The following SLC14A2 variants were observed in gnomAD, a reference collection of about 807,000 sequenced individuals.
SLC14A2 encodes solute carrier family 14 member 2, also known as urea transporter 2.
In SLC14A2, 91 loss-of-function variants were observed where a neutral mutation model predicts 104.6. The observed-to-expected ratio is 0.87, with a 90% CI of 0.73 to 1.04. The LOEUF (loss-of-function observed/expected upper bound fraction) is 1.04, where lower values mean the gene tolerates loss of function less well. Among genes scored for constraint, SLC14A2 ranks in the 50% least tolerant of loss-of-function variants. The pLI is 0.00. For synonymous variants in SLC14A2, 476 were observed against 466.4 expected, an observed-to-expected ratio of 1.02 and a Z score of -0.27; for missense variants, 1,189 against 1,156.0, an observed-to-expected ratio of 1.03 and a Z score of -0.41.
At chr18:45,273,371 G>C (rs980796070) in intron 1 of SLC14A2, among the ~76,000 whole-genome samples, 1 of 152,150 alleles carries the variant, frequency 6.6e-6, no homozygotes, top group African/African-American at 2.4e-5. Context: ...CTGTAGACAG[G>C]AAAATGGGAT....
At chr18:45,599,427 C>T (rs1416140554) in intron 2 of SLC14A2, among the ~76,000 whole-genome samples, 4 of 152,222 alleles carry the variant, frequency 2.6e-5, no homozygotes, top group Admixed American at 2.6e-4. Context: ...CTGGCCGCGA[C>T]CTGCTCTGAC....
At chr18:45,433,076 T>C (rs3844038) in intron 1 of SLC14A2, among the ~76,000 whole-genome samples, 84,843 of 151,830 alleles carry the variant, frequency 0.56, 23,942 homozygotes, top group Admixed American at 0.69. Flanking sequence ...TTTCACTTCC[T>C]CAAAACAATT....
intron 1 of SLC14A2, among the ~76,000 whole-genome samples, chr18:45,462,388 C>T (rs1240885494): frequency 1.3e-5 from 2 of 152,166 alleles, no homozygotes; most frequent in South Asian, 2.1e-4. Flanking sequence ...TCCGAGCAGG[C>T]AAGGGACTTG....
chr18:45,542,115 T>C (rs538319177), intron 2 of SLC14A2: 1 of 145,284 alleles, frequency 6.9e-6, no homozygotes, highest in African/African-American at 2.5e-5. Flanking sequence ...AAGTCTGGCT[T>C]AGGTTTTCAG....
At chr18:45,564,180 T>C (rs1253133548) in intron 2 of SLC14A2, among the ~76,000 whole-genome samples, 1 of 152,262 alleles carries the variant, frequency 6.6e-6, no homozygotes, top group East Asian at 1.9e-4. Flanking sequence ...TTTATTACTT[T>C]GCATGATCGA....
intron 2 of SLC14A2, among the ~76,000 whole-genome samples, chr18:45,491,054 T>G (rs1166268088): frequency 6.6e-6 from 1 of 152,196 alleles, no homozygotes; most frequent in African/African-American, 2.4e-5. Context: ...TAGAAATACC[T>G]TGTAAAAGTA....
chr18:45,671,227 GA>G (rs756929381), intron 16 of SLC14A2, among the ~76,000 whole-genome samples: 3 of 152,000 alleles, frequency 2.0e-5, no homozygotes, highest in East Asian at 3.9e-4. Flanking sequence ...TATAGAAATG[GA>G]AAAAAATGAA....
intron 1 of SLC14A2, among the ~76,000 whole-genome samples, chr18:45,220,248 C>T (rs1376481774): frequency 6.6e-6 from 1 of 152,204 alleles, no homozygotes; most frequent in Admixed American, 6.5e-5. Flanking sequence ...AACCAAATCA[C>T]CTGGTCTTAG....
intron 1 of SLC14A2, among the ~76,000 whole-genome samples, chr18:45,357,884 TG>T (rs1030911457): frequency 6.6e-6 from 1 of 152,184 alleles, no homozygotes; most frequent in Non-Finnish European, 1.5e-5. Flanking sequence ...TAACCACAAA[TG>T]CAAAAATAAA....
chr18:45,584,411 C>T (rs1217873882), intron 2 of SLC14A2, among the ~76,000 whole-genome samples: 4 of 152,158 alleles, frequency 2.6e-5, no homozygotes, highest in African/African-American at 4.8e-5. Context: ...ATATTCTTTC[C>T]GGCTTTGTAT....
intron 10 of SLC14A2, among the ~76,000 whole-genome samples, chr18:45,655,274 G>T (rs1261031078): frequency 6.6e-6 from 1 of 152,228 alleles, no homozygotes; most frequent in Non-Finnish European, 1.5e-5. Context: ...TCTGATCAGA[G>T]AATGGACAGC....
chr18:45,347,669 C>A (rs1364695865), intron 1 of SLC14A2, among the ~76,000 whole-genome samples: 1 of 152,134 alleles, frequency 6.6e-6, no homozygotes, highest in African/African-American at 2.4e-5. Context: ...TTGGAAGGTA[C>A]CTCCTACCTT....
chr18:45,602,416 G>A (rs182315411), intron 2 of SLC14A2, among the ~76,000 whole-genome samples: 1 of 152,270 alleles, frequency 6.6e-6, no homozygotes, highest in East Asian at 1.9e-4. Flanking sequence ...TTGAAGCAGG[G>A]CAAGGAGGCA....
chr18:45,441,889 T>C (rs769685211), intron 1 of SLC14A2, among the ~76,000 whole-genome samples: 18 of 152,190 alleles, frequency 1.2e-4, no homozygotes, highest in Non-Finnish European at 2.4e-4. Context: ...TGTCATCCCT[T>C]GGCATTTGAT....
At chr18:45,473,806 C>T (rs112258939) in intron 1 of SLC14A2, among the ~76,000 whole-genome samples, 1 of 152,176 alleles carries the variant, frequency 6.6e-6, no homozygotes, top group African/African-American at 2.4e-5. Flanking sequence ...TCTAAATATA[C>T]AATCATGTCA....
At chr18:45,368,477 C>T (rs1302661859) in intron 1 of SLC14A2, among the ~76,000 whole-genome samples, 1 of 152,172 alleles carries the variant, frequency 6.6e-6, no homozygotes, top group African/African-American at 2.4e-5. Context: ...CTGGAGTAGA[C>T]AATCGCTTCC....
At chr18:45,655,357 G>C (rs1199819597) in intron 10 of SLC14A2, among the ~76,000 whole-genome samples, 1 of 152,206 alleles carries the variant, frequency 6.6e-6, no homozygotes, top group Admixed American at 6.5e-5. Flanking sequence ...GTGAGGGAAA[G>C]CCATCCTGTG....
At chr18:45,566,445 T>A (rs1297216388) in intron 2 of SLC14A2, among the ~76,000 whole-genome samples, 1 of 152,180 alleles carries the variant, frequency 6.6e-6, no homozygotes, top group Non-Finnish European at 1.5e-5. Context: ...AAAAACTCTC[T>A]TAATAAAAAG....
chr18:45,577,174 T>TGGGAGGGTTAATTAGCTAA (rs2044428799), intron 2 of SLC14A2, among the ~76,000 whole-genome samples: 1 of 62,028 alleles, frequency 1.6e-5, no homozygotes, highest in African/African-American at 7.9e-5. Flanking sequence ...TTAGCTAACC[T>TGGGAGGGTTAATTAGCTAA]CCAGGGTCAG....
Sources: gnomAD v4.1 joint callset for allele counts (sites outside exome capture counted in the v4.1 genomes callset) on GRCh38, gnomAD v4.1.1 for gene constraint, MANE v1.5 for transcripts, NCBI Gene and HGNC (gene_info 2026-07-23, HGNC 2026-07-21) for gene names.